Variants in ESS2 observed in about 807,000 individuals in gnomAD.
ESS2 encodes splicing factor ESS-2 homolog.
Under a neutral mutation model 52.0 loss-of-function variants are expected in ESS2, and 31 were observed. The ratio of observed to expected loss-of-function variants is 0.60; its 90% CI spans 0.45 to 0.81. The LOEUF (loss-of-function observed/expected upper bound fraction) is 0.81, where lower values mean the gene tolerates loss of function less well. Ranked by LOEUF, ESS2 falls within the 30% of genes least tolerant of loss-of-function variation. The pLI, the probability that ESS2 is intolerant of heterozygous loss-of-function variation, is 0.00. For synonymous variants in ESS2, 285 were observed against 259.2 expected (o/e 1.10, Z -0.95); for missense variants, 602 against 637.2 (o/e 0.94, Z 0.59).
chr22:19,143,214 A>AG (rs1166656848), intron 1 of ESS2, among the ~76,000 whole-genome samples: 14 of 151,008 alleles, frequency 9.3e-5, no homozygotes, highest in South Asian at 8.4e-4. Context: ...AAAAAAAAAA[A>AG]AAAAAAGAAA....
Position 19,142,875 on chromosome 22 carries a change from T to C in ESS2, c.155A>G (p.Gln52Arg). The part of the protein sequence containing the change: ...EYIEGLQTVI[Q>R]RDFFPDVEKL... ...CTCCACATCAGGAAAGAAATCCCTT[T>C]GGATGACCGTCTGGAGGCCCTGCAA... The change falls in exon 2 of 10, where the codon CAA becomes CGA. Residue 52 changes from glutamine to arginine, a missense_variant. Transcript: ENST00000252137. 1 of 1,613,758 alleles carries C rather than the reference T, an allele frequency of 6.2e-7. No individual in the cohort carries two copies. The highest frequency in any genetic ancestry group is 1.1e-5 in the South Asian group (1 of 91,068).
At position 19,131,920 on chromosome 22, in the gene ESS2, C is replaced by T. The variant is rs2083511990; in HGVS notation, c.*2276G>A. The T allele has an allele frequency of 6.2e-7, 1 of 1,614,084 alleles. No individual in the cohort carries two copies. Among genetic ancestry groups the T allele is most frequent in the Non-Finnish European group, 8.5e-7 (1 of 1,179,952 alleles). ...AATGGGCGCATCATCCTCAGCAAGA[C>T]CTTCTGCGGGTCGGCAGCATATGCA... On this transcript the variant is annotated 3_prime_UTR_variant, in exon 10 of 10. Coordinates refer to ENST00000252137, the MANE Select transcript of ESS2 (RefSeq NM_022719.3). This position sits in a 1 kb window ranked among gnomAD's most constrained non-coding sequence, Gnocchi z 5.7.
intron 6 of ESS2, 143 bp from the exon 7 acceptor site, chr22:19,138,460 GAGAA>G: frequency 1.2e-6 from 1 of 823,428 alleles, no homozygotes. Flanking sequence ...AGCCTTCTTG[GAGAA>G]AGAGAGGGAG....
At chr22:19,138,570 G>A in intron 6 of ESS2, 1 of 611,036 alleles carries the variant, frequency 1.6e-6, no homozygotes, top group Non-Finnish European at 3.0e-6. Context: ...GAGGTGCCAG[G>A]GCCTCCACTC....
Position 19,133,150 on chromosome 22 carries a change from G to A in ESS2, c.*1046C>T, listed in dbSNP as rs1279837290. The A allele has an allele frequency of 6.6e-6, 1 of 152,360 alleles. No individual in the cohort carries two copies. The highest frequency in any genetic ancestry group is 1.5e-5 in the Non-Finnish European group (1 of 68,192). The allele number at this position is 152,360 out of a possible 1,614,324, so 9.4% of individuals were successfully genotyped here. On this transcript the variant is annotated 3_prime_UTR_variant, in exon 10 of 10. Transcript: ENST00000252137. Reference sequence around the variant, plus strand: ...CCCTCCCCACCCAGTGGCTCTTCAAGCTGCTCAGCAGCCCTTGATGATGGC... The same window carrying A: ...CCCTCCCCACCCAGTGGCTCTTCAAACTGCTCAGCAGCCCTTGATGATGGC...
At chr22:19,141,671 C>T (rs1965692968) in intron 3 of ESS2, among the ~76,000 whole-genome samples, 1 of 152,134 alleles carries the variant, frequency 6.6e-6, no homozygotes, top group Non-Finnish European at 1.5e-5. Context: ...GGGAAAGAGA[C>T]CATAAACAGA....
In ESS2 at chr22:19,131,086, GCCA is replaced by G; in HGVS notation, c.*3107_*3109del. 1 of 313,636 alleles carries G rather than the reference GCCA, an allele frequency of 3.2e-6. No individual in the cohort carries two copies. The highest frequency in any genetic ancestry group is 4.7e-5 in the Admixed American group (1 of 21,472). The allele number at this position is 313,636 out of a possible 1,614,324, so 19.4% of individuals were successfully genotyped here. A position where few individuals can be genotyped will look rare whatever the true frequency, so the allele number is the denominator to read the frequency against. On this transcript the variant is annotated 3_prime_UTR_variant, in exon 10 of 10. Coordinates refer to ENST00000252137, the MANE Select transcript of ESS2 (RefSeq NM_022719.3). The surrounding 1 kb of genome is among the most constrained non-coding windows in gnomAD (Gnocchi z 5.7). ...GGGAAACCAATGCAGCAGCAGCAGG[GCCA>G]CCAGAGTCCTGTCCTGGGGACAGGC...
Position 19,136,838 on chromosome 22 carries a change from G to A in ESS2, c.1035+485C>T, listed in dbSNP as rs533615232. On this transcript the variant is annotated intron_variant, in intron 8 of 9. Coordinates refer to ENST00000252137, the MANE Select transcript of ESS2 (RefSeq NM_022719.3). ...GAAAGGCCCGCAGTGGTATGGGGAG[G>A]CCTGTTGTATCTGACCCAGCCCACG... Among the ~76,000 whole-genome samples, 8 of 152,244 alleles carry A rather than the reference G, an allele frequency of 5.3e-5. No individual in the cohort carries two copies. The East Asian group carries it at 1.5e-3, about 29-fold the overall frequency.
chr22:19,137,838 G>A (rs1274535978), intron 7 of ESS2: 6 of 985,264 alleles, frequency 6.1e-6, no homozygotes, highest in Admixed American at 6.1e-5. Context: ...GGACACCCAC[G>A]CATGCCACAA....
intron 1 of ESS2, among the ~76,000 whole-genome samples, chr22:19,143,275 C>T (rs1292332867): frequency 1.3e-5 from 2 of 151,730 alleles, no homozygotes; most frequent in Non-Finnish European, 2.9e-5. Flanking sequence ...AGGTCCACTG[C>T]TGTACATGCT....
chr22:19,138,050 A>C, intron 7 of ESS2, 165 bp downstream of exon 7: 1 of 985,340 alleles, frequency 1.0e-6, no homozygotes. Context: ...CAGCCTGGAC[A>C]CCTGGCCTCT....
rs775775567 is a variant in ESS2 at position 19,139,641 on chromosome 22, G to C, written c.659C>G (p.Ala220Gly). ...TGGATAGTACATGAGGGAATTCTTG[G>C]CCTTGTACTTCCAGGTCTCCACACT... ...QASVETWKYK[A>G]KNSLMYYPEG... Residue 220 changes from alanine (A) to glycine (G), a missense_variant, in exon 5 of 10, where the codon GCC becomes GGC. By Grantham distance (60) the Ala-to-Gly change is moderately conservative (BLOSUM62 0). Transcript: ENST00000252137. 1 of 1,614,136 alleles carries C rather than the reference G, an allele frequency of 6.2e-7. No homozygotes were observed. Among genetic ancestry groups the C allele is most frequent in the Non-Finnish European group, 8.5e-7 (1 of 1,180,006 alleles).
chr22:19,138,170 G>C (rs1391400153), intron 7 of ESS2, 45 bp downstream of exon 7: 1 of 1,611,298 alleles, frequency 6.2e-7, no homozygotes, highest in Non-Finnish European at 8.5e-7. Flanking sequence ...CCTCCCCCAG[G>C]GAGTCCCAGC....
chr22:19,133,949 G>T lies in ESS2; in HGVS notation c.*247C>A. 2.5e-6 allele frequency: 1 copy of T among 401,886 alleles called. No homozygotes were observed. The highest frequency in any genetic ancestry group is 6.3e-4 in the Middle Eastern group (1 of 1,584). The allele number at this position is 401,886 out of a possible 1,614,324, so 24.9% of individuals were successfully genotyped here. ...GCAACCCCCCAGACTGTACCTAGGT[G>T]TTCTTTAATGACAGTTCAAGGGGCC... is the stretch of plus-strand genomic sequence containing the variant. On this transcript the variant is annotated 3_prime_UTR_variant, in exon 10 of 10. Transcript: ENST00000252137.
intron 9 of ESS2, 107 bp from the exon 10 acceptor site, chr22:19,134,582 C>T: frequency 8.1e-7 from 1 of 1,234,786 alleles, no homozygotes; most frequent in South Asian, 1.6e-5. Flanking sequence ...GACACAGTCA[C>T]TCTGAGCTGA....
chr22:19,138,870 G>T (rs928907858), intron 6 of ESS2, among the ~76,000 whole-genome samples: 3 of 152,178 alleles, frequency 2.0e-5, no homozygotes, highest in Non-Finnish European at 4.4e-5. Context: ...CCCGGTGTGT[G>T]GGCGTGCAGC....
intron 1 of ESS2, chr22:19,144,186 C>T: frequency 9.0e-7 from 1 of 1,116,516 alleles, no homozygotes; most frequent in Non-Finnish European, 1.1e-6. Flanking sequence ...TTGCTGCCAC[C>T]GCTCTTTAGA....
chr22:19,134,147 T>C lies in ESS2; in HGVS notation c.*49A>G, dbSNP rs776618197. The C allele has an allele frequency of 7.5e-6, 11 of 1,467,724 alleles. No individual in the cohort carries two copies. Among genetic ancestry groups the C allele is most frequent in the Non-Finnish European group, 9.9e-6 (11 of 1,110,112 alleles). The allele number at this position is 1,467,724 out of a possible 1,614,324, so 90.9% of individuals were successfully genotyped here. A position where few individuals can be genotyped will look rare whatever the true frequency, so the allele number is the denominator to read the frequency against. On this transcript the variant is annotated 3_prime_UTR_variant, in exon 10 of 10. Transcript: ENST00000252137. ...TGGAGTCCTCTGCTGGGTGTACAGC[T>C]GCCCTGCAGGCTCTGTGAAGCGTCT...
chr22:19,133,886 G>A lies in ESS2; in HGVS notation c.*310C>T. 3.4e-6 allele frequency: 1 copy of A among 293,272 alleles called. No individual in the cohort carries two copies. The highest frequency in any genetic ancestry group is 6.2e-6 in the Non-Finnish European group (1 of 160,088). 18.2% of individuals were successfully genotyped at this position (293,272 alleles called of 1,614,324 possible). A position where few individuals can be genotyped will look rare whatever the true frequency, so the allele number is the denominator to read the frequency against. ...TCCTGAGACGTGATGCAGGCCCCAG[G>A]GCAAGGCTAGGGCTCGTGTGGGGAG... On this transcript the variant is annotated 3_prime_UTR_variant, in exon 10 of 10. Transcript: ENST00000252137.
Sources: allele counts gnomAD v4.1 joint callset (sites outside exome capture counted in the v4.1 genomes callset), GRCh38; gene constraint gnomAD v4.1.1; non-coding constraint Gnocchi (gnomAD v3.1); transcripts MANE v1.5; gene names NCBI Gene and HGNC (gene_info 2026-07-23, HGNC 2026-07-21).